LETM1: variants seen among roughly 807,000 people sequenced by gnomAD.
The protein encoded by LETM1 is leucine zipper and EF-hand containing transmembrane protein 1.
Under a neutral mutation model 74.5 loss-of-function variants are expected in LETM1, and 50 were observed. That is an observed-to-expected ratio of 0.67 (90% CI 0.53 to 0.85). The LOEUF (loss-of-function observed/expected upper bound fraction) is 0.85. Among genes scored for constraint, LETM1 ranks in the 40% least tolerant of loss-of-function variants. The pLI is 0.00. For missense variants in LETM1, 824 were observed against 967.8 expected (o/e 0.85, Z 1.97); for synonymous variants, 446 against 407.1 (o/e 1.10, Z -1.15).
intron 6 of LETM1, among the ~76,000 whole-genome samples, chr4:1,830,297 T>C (rs1348184940): frequency 1.3e-5 from 2 of 152,242 alleles, no homozygotes; most frequent in South Asian, 2.1e-4. Flanking sequence ...ACTTTAGATA[T>C]TGTACTTTTC....
chr4:1,853,539 T>C (rs956708536), intron 1 of LETM1, among the ~76,000 whole-genome samples: 3 of 152,128 alleles, frequency 2.0e-5, no homozygotes, highest in African/African-American at 7.2e-5. Flanking sequence ...AGCAGCACCC[T>C]ACACTCCACC....
intron 6 of LETM1, among the ~76,000 whole-genome samples, chr4:1,827,752 A>G (rs1235295911): frequency 2.7e-5 from 4 of 146,988 alleles, no homozygotes; most frequent in Non-Finnish European, 4.5e-5. Context: ...CCGCCTTTCT[A>G]TTCCACAAAG....
chr4:1,840,755 G>A (rs1712662723), intron 3 of LETM1, among the ~76,000 whole-genome samples: 2 of 151,704 alleles, frequency 1.3e-5, no homozygotes, highest in South Asian at 2.1e-4. Context: ...CTTGAAGCCA[G>A]TCTGTCAGAA....
intron 3 of LETM1, among the ~76,000 whole-genome samples, chr4:1,839,636 A>T (rs1295013910): frequency 2.0e-5 from 3 of 152,238 alleles, no homozygotes; most frequent in Non-Finnish European, 4.4e-5. Flanking sequence ...TAGGTGTGTC[A>T]GGCCTTGGGG....
chr4:1,837,651 T>C (rs929807999), intron 3 of LETM1, among the ~76,000 whole-genome samples: 3 of 152,138 alleles, frequency 2.0e-5, no homozygotes, highest in Non-Finnish European at 2.9e-5. Context: ...TGATGATTTT[T>C]GGTAAATTTA....
chr4:1,825,807 C>A, intron 6 of LETM1, 124 bp from the exon 7 acceptor site: 2 of 1,130,064 alleles, frequency 1.8e-6, no homozygotes, highest in Non-Finnish European at 2.5e-6. Context: ...CCACGGCCAC[C>A]AAAGCCCAGT....
In LETM1 at chr4:1,833,434, G is replaced by A. The variant is rs76525971; in HGVS notation, c.877-487C>T. ...AGCAAAGCTGAGGCTGCTGTCTGCTGGGGGAGACGCCCGGGCCCACAGGCT... is the reference window on the plus strand; with the variant it reads ...AGCAAAGCTGAGGCTGCTGTCTGCTAGGGGAGACGCCCGGGCCCACAGGCT... On this transcript the variant is annotated intron_variant, in intron 5 of 13. Coordinates refer to ENST00000302787, the MANE Select transcript of LETM1 (RefSeq NM_012318.3). 92 of 176,938 alleles carry A rather than the reference G, an allele frequency of 5.2e-4. No individual in the cohort carries two copies. The East Asian group carries it at 8.5e-3, about 16-fold the overall frequency. 11.0% of individuals were successfully genotyped at this position (176,938 alleles called of 1,614,324 possible).
chr4:1,849,335 G>A (rs142695756), intron 1 of LETM1, 126 bp from the exon 2 acceptor site: 21,893 of 669,084 alleles, frequency 0.033, 518 homozygotes, highest in Middle Eastern at 0.073. Flanking sequence ...CGTGATCTCG[G>A]CTCACTGCAA....
chr4:1,845,461 G>A (rs748440468), intron 2 of LETM1, among the ~76,000 whole-genome samples: 1 of 151,664 alleles, frequency 6.6e-6, no homozygotes, highest in Non-Finnish European at 1.5e-5. Context: ...AAATGCAAAG[G>A]TGTTTATATT....
chr4:1,847,431 A>G (rs988188825), intron 2 of LETM1, among the ~76,000 whole-genome samples: 7 of 152,176 alleles, frequency 4.6e-5, no homozygotes. Flanking sequence ...TAGAAGTAAA[A>G]TGGTTCAGCT....
chr4:1,827,884 C>G (rs1199803381), intron 6 of LETM1, among the ~76,000 whole-genome samples: 1 of 150,268 alleles, frequency 6.7e-6, no homozygotes, highest in Non-Finnish European at 1.5e-5. Context: ...GGCGCCCCCC[C>G]CACCTCCCGG....
At chr4:1,852,721 A>T (rs762977411) in intron 1 of LETM1, among the ~76,000 whole-genome samples, 2 of 152,188 alleles carry the variant, frequency 1.3e-5, no homozygotes, top group Non-Finnish European at 2.9e-5. Context: ...GTTAAGCCTG[A>T]GCAACAGAGA....
rs1711964275 is a variant in LETM1 at position 1,825,701 on chromosome 4, G to A, written c.1081-18C>T. 7 of 1,605,026 alleles carry A rather than the reference G, an allele frequency of 4.4e-6. No homozygotes were observed. Among genetic ancestry groups the A allele is most frequent in the African/African-American group, 4.0e-5 (3 of 74,864 alleles). On this transcript the variant is annotated intron_variant, in intron 6 of 13. Coordinates refer to ENST00000302787, the MANE Select transcript of LETM1 (RefSeq NM_012318.3). ...GCAATCAGCTAGAAAACAAAGCAGTGAATTATCATCTGGGACAGTTGCTGG... is the reference window on the plus strand; with the variant it reads ...GCAATCAGCTAGAAAACAAAGCAGTAAATTATCATCTGGGACAGTTGCTGG...
In LETM1 at chr4:1,841,684, G is replaced by A. The variant is rs772380024; in HGVS notation, c.257C>T (p.Ala86Val). 31 of 1,614,084 alleles carry A rather than the reference G, an allele frequency of 1.9e-5. No individual in the cohort carries two copies. Among genetic ancestry groups the A allele is most frequent in the East Asian group, 4.5e-5 (2 of 44,898 alleles). Residue 86 changes from alanine (A) to valine (V), a missense_variant, in exon 3 of 14, where the codon GCG becomes GTG. Physicochemically the swap from Ala to Val is moderately conservative, Grantham distance 64. Around this residue, in one of 4 missense-constraint regions of LETM1, gnomAD observed 222 missense variants for 195.6 expected, o/e 1.14. Coordinates refer to ENST00000302787, the MANE Select transcript of LETM1 (RefSeq NM_012318.3). ...ACCCACAGAGGTAGAGGTCCATGGC[G>A]CTCTCGACACTATGCGAAGGCACTC... ...RPECLRIVSR[A>V]PWTSTSVGFV...
intron 2 of LETM1, among the ~76,000 whole-genome samples, chr4:1,844,745 TA>T (rs1241542279): frequency 3.0e-4 from 43 of 143,870 alleles, no homozygotes; most frequent in African/African-American, 3.1e-4. Context: ...GAGACTGTCT[TA>T]AAAAAAAAAA....
Position 1,841,539 on chromosome 4 carries a change from C to A in LETM1, c.402G>T (p.Leu134=). The change falls in exon 3 of 14, where the codon CTG becomes CTT. Residue 134 remains leucine (L), a synonymous_variant. Coordinates refer to ENST00000302787, the MANE Select transcript of LETM1 (RefSeq NM_012318.3). ...GGCTGTACACCGGGCCGCCTTCCTC[C>A]AGCTTCTTGTTCTTGTCCTTCAAGG... ...LKSLKDKNKK[L]EEGGPVYSPP... is the part of the protein sequence containing the mutation. 6.2e-7 allele frequency: 1 copy of A among 1,614,252 alleles called. No homozygotes were observed. The highest frequency in any genetic ancestry group is 8.5e-7 in the Non-Finnish European group (1 of 1,180,052).
At position 1,831,000 on chromosome 4, in the gene LETM1, A is replaced by G. The variant is rs550953431; in HGVS notation, c.1080+1744T>C. ...AGCTAACAAGGCCAAAGCTGTTTCC[A>G]CTTCCCTATGGTCCAGCTTTCATGG... is the stretch of plus-strand genomic sequence containing the variant. On this transcript the variant is annotated intron_variant, in intron 6 of 13. Coordinates refer to ENST00000302787, the MANE Select transcript of LETM1 (RefSeq NM_012318.3). Among the ~76,000 whole-genome samples the G allele has an allele frequency of 2.3e-4, 35 of 152,264 alleles. No individual in the cohort carries two copies. In the South Asian group the frequency reaches 7.0e-3, roughly 31 times the overall value.
At position 1,847,344 on chromosome 4, in the gene LETM1, C is replaced by CA. The variant is rs113701702; in HGVS notation, c.143+1804dup. Among the ~76,000 whole-genome samples, 384 of 102,324 alleles carry CA rather than the reference C, an allele frequency of 3.8e-3. 1 individual carries two copies. The highest frequency in any genetic ancestry group is 0.012 in the Middle Eastern group (2 of 172). The allele number at this position is 102,324 out of a possible 152,430, so 67.1% of individuals were successfully genotyped here. ...CAATGAACAGAATGAGATCCTGTCT[C>CA]AAAAAAAAAAAAAAAAGTAATATTC... On this transcript the variant is annotated intron_variant, in intron 2 of 13. Coordinates refer to ENST00000302787, the MANE Select transcript of LETM1 (RefSeq NM_012318.3).
At chr4:1,815,972 C>T (rs563326540) in intron 12 of LETM1, among the ~76,000 whole-genome samples, 170 bp from the exon 13 acceptor site, 1 of 152,398 alleles carries the variant, frequency 6.6e-6, no homozygotes, top group Non-Finnish European at 1.5e-5. Flanking sequence ...CATACAATGC[C>T]AAGAGCTCCC....
Sources: gnomAD v4.1 joint callset for allele counts (sites outside exome capture counted in the v4.1 genomes callset) on GRCh38, gnomAD v4.1.1 for gene constraint, gnomAD v4.1.1 regional missense constraint, MANE v1.5 for transcripts, NCBI Gene and HGNC (gene_info 2026-07-23, HGNC 2026-07-21) for gene names.